Variants in TMPRSS12 observed in about 807,000 individuals in gnomAD.
The protein encoded by TMPRSS12 is transmembrane protease serine 12.
In TMPRSS12, 25 loss-of-function variants were observed where a neutral mutation model predicts 26.0. The ratio of observed to expected loss-of-function variants is 0.96; its 90% CI spans 0.70 to 1.34. TMPRSS12 has a LOEUF of 1.34. Ranked by LOEUF, TMPRSS12 falls within the 40% of genes most tolerant of loss-of-function variation. TMPRSS12 has a pLI of 0.00. For missense variants in TMPRSS12, 441 were observed against 440.1 expected, an observed-to-expected ratio of 1.00 and a Z score of -0.02; for synonymous variants, 150 against 161.7, an observed-to-expected ratio of 0.93 and a Z score of 0.55.
At chr12:50,855,876 T>A (rs1487891926) in intron 2 of TMPRSS12, among the ~76,000 whole-genome samples, 1 of 152,186 alleles carries the variant, frequency 6.6e-6, no homozygotes, top group Non-Finnish European at 1.5e-5. Context: ...TACGCAGTCA[T>A]GAAAAAGAAT....
intron 3 of TMPRSS12, among the ~76,000 whole-genome samples, chr12:50,871,778 C>G (rs933522359): frequency 2.6e-5 from 4 of 152,028 alleles, no homozygotes; most frequent in Admixed American, 6.6e-5. Context: ...AGGTTAAAGA[C>G]ATGAATAGGC....
rs1938156946 is a variant in TMPRSS12, at chr12:50,880,933, A to AGG, written c.653-4312_653-4311dup. ...TCCATTTATATAAAATTTCAAGAAA[A>AGG]GGCAAACCTATAGAGACAGGAATCA... On this transcript the variant is annotated intron_variant, in intron 3 of 4. Coordinates refer to ENST00000398458, the MANE Select transcript of TMPRSS12 (RefSeq NM_182559.3). Among the ~76,000 whole-genome samples, 3 of 148,720 alleles carry AGG rather than the reference A, an allele frequency of 2.0e-5. No individual in the cohort carries two copies. The South Asian group carries it at 6.4e-4, about 32-fold the overall frequency.
intron 3 of TMPRSS12, among the ~76,000 whole-genome samples, chr12:50,868,719 C>A (rs541298340): frequency 6.6e-6 from 1 of 152,250 alleles, no homozygotes; most frequent in African/African-American, 2.4e-5. Flanking sequence ...CTGCATGGAA[C>A]TTTCTCCAAG....
chr12:50,846,249 C>T (rs1354459303), intron 2 of TMPRSS12, among the ~76,000 whole-genome samples: 1 of 152,082 alleles, frequency 6.6e-6, no homozygotes, highest in African/African-American at 2.4e-5. Context: ...CCTATGTTTT[C>T]TTCTAAGAGT....
At chr12:50,877,769 G>A (rs1354159570) in intron 3 of TMPRSS12, among the ~76,000 whole-genome samples, 3 of 151,996 alleles carry the variant, frequency 2.0e-5, no homozygotes, top group Non-Finnish European at 1.5e-5. Flanking sequence ...GCCGCCACGC[G>A]TGGCTAAGTT....
chr12:50,851,471 G>A (rs575652831), intron 2 of TMPRSS12, among the ~76,000 whole-genome samples: 11 of 152,258 alleles, frequency 7.2e-5, no homozygotes, highest in African/African-American at 2.6e-4. Flanking sequence ...AGAGCTGGAA[G>A]ACTAGTTCTT....
In TMPRSS12 at chr12:50,862,526, A is replaced by G. The variant is rs1290680066; in HGVS notation, c.652+3473A>G. ...ATGAGTCACACTCATGACCCAGCAT[A>G]TAATTTTTTTTTTTTTAAAGACAGA... On this transcript the variant is annotated intron_variant, in intron 3 of 4. Coordinates refer to ENST00000398458, the MANE Select transcript of TMPRSS12 (RefSeq NM_182559.3). Among the ~76,000 whole-genome samples, 10 of 151,290 alleles carry G rather than the reference A, an allele frequency of 6.6e-5. No homozygotes were observed. The East Asian group carries it at 2.0e-3, about 31-fold the overall frequency.
At chr12:50,856,971 T>C (rs1937884434) in intron 2 of TMPRSS12, among the ~76,000 whole-genome samples, 1 of 152,194 alleles carries the variant, frequency 6.6e-6, no homozygotes, top group African/African-American at 2.4e-5. Context: ...ATTACAGGCA[T>C]GAGCCACCAT....
chr12:50,843,757 A>C lies in TMPRSS12; in HGVS notation c.188-85A>C, dbSNP rs1937736751. Reference sequence around the variant, plus strand: ...CTTTGTGTTTTTAACATAGGAATTTAAAGGATTGCATTAATATGTTCAGCT... The same window carrying C: ...CTTTGTGTTTTTAACATAGGAATTTCAAGGATTGCATTAATATGTTCAGCT... On this transcript the variant is annotated intron_variant, in intron 1 of 4. Coordinates refer to ENST00000398458, the MANE Select transcript of TMPRSS12 (RefSeq NM_182559.3). The C allele has an allele frequency of 1.8e-5, 24 of 1,337,370 alleles. 1 individual carries two copies. In the South Asian group the frequency reaches 3.5e-4, roughly 20 times the overall value. 82.8% of individuals were successfully genotyped at this position (1,337,370 alleles called of 1,614,324 possible). A position where few individuals can be genotyped will look rare whatever the true frequency, so the allele number is the denominator to read the frequency against.
chr12:50,869,975 TAGG>T (rs1349059543), intron 3 of TMPRSS12, among the ~76,000 whole-genome samples: 3 of 151,968 alleles, frequency 2.0e-5, no homozygotes, highest in Non-Finnish European at 4.4e-5. Flanking sequence ...CCCAGCTGCT[TAGG>T]AGGCTGAGGC....
intron 2 of TMPRSS12, among the ~76,000 whole-genome samples, chr12:50,853,581 C>CAAAAA (rs34657217): frequency 4.1e-3 from 414 of 100,512 alleles, no homozygotes; most frequent in Middle Eastern, 6.5e-3. Flanking sequence ...GCTAGACTAA[C>CAAAAA]AAAAAAAAAA....
At chr12:50,853,581 CAAAAAAAA>C (rs34657217) in intron 2 of TMPRSS12, among the ~76,000 whole-genome samples, 1 of 102,402 alleles carries the variant, frequency 9.8e-6, no homozygotes, top group African/African-American at 3.6e-5. Flanking sequence ...GCTAGACTAA[CAAAAAAAA>C]AAAAAAAAAA....
chr12:50,847,030 T>C (rs2139718888), intron 2 of TMPRSS12, among the ~76,000 whole-genome samples: 1 of 151,152 alleles, frequency 6.6e-6, no homozygotes, highest in African/African-American at 2.4e-5. Context: ...ATTGGGATTT[T>C]GATAGGGATT....
chr12:50,843,766 C>T, intron 1 of TMPRSS12, 76 bp from the exon 2 acceptor site: 9 of 1,381,750 alleles, frequency 6.5e-6, no homozygotes, highest in Admixed American at 2.4e-5. Context: ...TAAAGGATTG[C>T]ATTAATATGT....
At chr12:50,862,588 C>T (rs779983712) in intron 3 of TMPRSS12, among the ~76,000 whole-genome samples, 13 of 151,892 alleles carry the variant, frequency 8.6e-5, no homozygotes, top group African/African-American at 2.4e-4. Flanking sequence ...GGTGGTGATG[C>T]GATCTCAGCT....
chr12:50,879,552 C>T (rs1044489106), intron 3 of TMPRSS12, among the ~76,000 whole-genome samples: 3 of 152,114 alleles, frequency 2.0e-5, no homozygotes, highest in African/African-American at 7.2e-5. Flanking sequence ...ATTTTATTGG[C>T]CTCCCTGAAC....
At chr12:50,863,042 GGT>G (rs1307224969) in intron 3 of TMPRSS12, among the ~76,000 whole-genome samples, 10 of 151,782 alleles carry the variant, frequency 6.6e-5, no homozygotes, top group African/African-American at 2.4e-4. Flanking sequence ...AAATTAGCCA[GGT>G]ATGGTAGTGC....
chr12:50,863,045 A>ACG (rs1203068208), intron 3 of TMPRSS12, among the ~76,000 whole-genome samples: 10 of 151,908 alleles, frequency 6.6e-5, no homozygotes, highest in African/African-American at 2.4e-4. Flanking sequence ...TTAGCCAGGT[A>ACG]TGGTAGTGCA....
intron 2 of TMPRSS12, among the ~76,000 whole-genome samples, chr12:50,856,125 A>G (rs1485207015): frequency 6.6e-6 from 1 of 152,204 alleles, no homozygotes; most frequent in Non-Finnish European, 1.5e-5. Flanking sequence ...TGGTGAAATA[A>G]TCTGTACACC....
Sources: gnomAD v4.1 joint callset for allele counts (sites outside exome capture counted in the v4.1 genomes callset) on GRCh38, gnomAD v4.1.1 for gene constraint, MANE v1.5 for transcripts, NCBI Gene and HGNC (gene_info 2026-07-23, HGNC 2026-07-21) for gene names.